The following SHISAL1 variants were observed in gnomAD, a reference collection of about 807,000 sequenced individuals.
The protein encoded by SHISAL1 is shisa like 1, also known as protein shisa-like-1.
A neutral mutation model predicts 22.6 loss-of-function variants in SHISAL1; 9 were observed. The ratio of observed to expected loss-of-function variants is 0.40; its 90% confidence interval spans 0.24 to 0.70. The LOEUF (loss-of-function observed/expected upper bound fraction) is 0.70, where lower values mean the gene tolerates loss of function less well. SHISAL1 is among the 30% of genes least tolerant of loss of function. The pLI is 0.39. For synonymous variants in SHISAL1, 119 were observed against 115.4 expected (o/e 1.03, Z -0.20); for missense variants, 246 against 270.6 (o/e 0.91, Z 0.64).
Position 44,243,810 on chromosome 22 carries a change from T to C in SHISAL1, c.*5875A>G, listed in dbSNP as rs1180096024. 1 of 152,180 alleles carries C rather than the reference T, an allele frequency of 6.6e-6. No individual in the cohort carries two copies. The highest frequency in any genetic ancestry group is 2.4e-5 in the African/African-American group (1 of 41,440). 9.4% of individuals were successfully genotyped at this position (152,180 alleles called of 1,614,324 possible). On this transcript the variant is annotated 3_prime_UTR_variant, in exon 5 of 5. Transcript: ENST00000381176. ...CATTCTAGTATTATTATTAGGAATA[T>C]TATTGGTTTTGGTTTTCCCGGTTAT...
chr22:44,289,671 G>A (rs749015906), intron 3 of SHISAL1, among the ~76,000 whole-genome samples: 6 of 152,206 alleles, frequency 3.9e-5, no homozygotes, highest in East Asian at 1.9e-4. Context: ...GGTGGCAGGC[G>A]GGGACGCCCA....
At chr22:44,325,504 A>G in the SHISAL1 span, among the ~76,000 whole-genome samples, 5 of 152,032 alleles carry the variant, frequency 3.3e-5, no homozygotes, top group Non-Finnish European at 5.9e-5. Flanking sequence ...GCCTTTCTAG[A>G]CTTTGGAATT....
intron 4 of SHISAL1, among the ~76,000 whole-genome samples, chr22:44,253,832 C>CTGTGTGTGTGTGTG (rs61001074): frequency 0.056 from 8,421 of 149,170 alleles, 391 homozygotes; most frequent in Admixed American, 0.16. Flanking sequence ...AATCTAACAA[C>CTGTGTGTGTGTGTG]TGTGTGTGTG....
At position 44,245,263 on chromosome 22, in the gene SHISAL1, A is replaced by C. The variant is rs549519654; in HGVS notation, c.*4422T>G. 5 of 152,336 alleles carry C rather than the reference A, an allele frequency of 3.3e-5. No individual in the cohort carries two copies. The highest frequency in any genetic ancestry group is 7.3e-5 in the Non-Finnish European group (5 of 68,032). The allele number at this position is 152,336 out of a possible 1,614,324, so 9.4% of individuals were successfully genotyped here. A position where few individuals can be genotyped will look rare whatever the true frequency, so the allele number is the denominator to read the frequency against. On this transcript the variant is annotated 3_prime_UTR_variant, in exon 5 of 5. Transcript: ENST00000381176. ...CTACAGTGATAGGGGGCCCTTCAAC[A>C]TTGATAAGACATGTTCCCAATAACT...
intron 1 of SHISAL1, among the ~76,000 whole-genome samples, chr22:44,304,143 C>T (rs1255835035): frequency 2.0e-5 from 3 of 152,202 alleles, no homozygotes; most frequent in Non-Finnish European, 4.4e-5. Context: ...GAGCTCACAG[C>T]CTGGTCAGGG....
intron 4 of SHISAL1, among the ~76,000 whole-genome samples, chr22:44,250,810 A>G (rs1247627317): frequency 2.0e-5 from 3 of 152,214 alleles, no homozygotes; most frequent in Non-Finnish European, 4.4e-5. Flanking sequence ...AATTTCTTTT[A>G]CTTGCGTAAA....
At chr22:44,286,209 G>A (rs916444028) in intron 3 of SHISAL1, among the ~76,000 whole-genome samples, 1 of 152,146 alleles carries the variant, frequency 6.6e-6, no homozygotes, top group Non-Finnish European at 1.5e-5. Flanking sequence ...CTGTGAGGAC[G>A]GAGGTCCTCC....
chr22:44,263,079 C>CTTTCTTTT (rs55901041), intron 4 of SHISAL1, among the ~76,000 whole-genome samples: 2,788 of 88,326 alleles, frequency 0.032, 99 homozygotes, highest in Non-Finnish European at 0.047. Flanking sequence ...TTCTTTCTTT[C>CTTTCTTTT]TTTTTTTTTT....
chr22:44,291,927 C>T (rs1243354980), intron 3 of SHISAL1, among the ~76,000 whole-genome samples: 1 of 152,142 alleles, frequency 6.6e-6, no homozygotes, highest in Non-Finnish European at 1.5e-5. Context: ...GTACACTTCT[C>T]ACCACGTCAG....
intron 4 of SHISAL1, among the ~76,000 whole-genome samples, chr22:44,277,203 A>T (rs2055245825): frequency 6.6e-6 from 1 of 152,180 alleles, no homozygotes; most frequent in African/African-American, 2.4e-5. Context: ...AGGCTCACGG[A>T]CGCGATGCCG....
chr22:44,305,979 C>T (rs891146538), intron 1 of SHISAL1, among the ~76,000 whole-genome samples: 5 of 152,212 alleles, frequency 3.3e-5, no homozygotes, highest in African/African-American at 4.8e-5. Flanking sequence ...AAGAATAACC[C>T]GCCGTGCGTC....
At chr22:44,314,718 C>T (rs2055546460), upstream of SHISAL1, among the ~76,000 whole-genome samples, 1 of 152,022 alleles carries the variant, frequency 6.6e-6, no homozygotes, top group South Asian at 2.1e-4. Flanking sequence ...CCCTCTCGGC[C>T]GAGGGGACCA....
intron 4 of SHISAL1, among the ~76,000 whole-genome samples, chr22:44,261,651 G>A (rs1288847460): frequency 6.6e-6 from 1 of 152,208 alleles, no homozygotes; most frequent in Non-Finnish European, 1.5e-5. Context: ...CAGTAGCCCC[G>A]GGAATGCTTC....
At position 44,275,377 on chromosome 22, in the gene SHISAL1, C is replaced by G. The variant is rs556081576; in HGVS notation, c.599+10051G>C. On this transcript the variant is annotated intron_variant, in intron 4 of 4. Coordinates refer to ENST00000381176, the MANE Select transcript of SHISAL1 (RefSeq NM_001099294.2). ...AATTAAACCCCTGCCTGGCAGCCCG[C>G]GAAGGGGCCGACGGCGGATCAGAAG... Among the ~76,000 whole-genome samples, 36 of 152,328 alleles carry G rather than the reference C, an allele frequency of 2.4e-4. No individual in the cohort carries two copies. The South Asian group carries it at 6.4e-3, about 27-fold the overall frequency.
intron 3 of SHISAL1, among the ~76,000 whole-genome samples, chr22:44,291,575 G>A (rs1222877574): frequency 6.6e-6 from 1 of 152,144 alleles, no homozygotes; most frequent in Non-Finnish European, 1.5e-5. Context: ...AAAGCTTTGG[G>A]GGTCAGAGGT....
chr22:44,317,939 G>C (rs62228560), upstream of SHISAL1, among the ~76,000 whole-genome samples: 52 of 152,288 alleles, frequency 3.4e-4, no homozygotes, highest in African/African-American at 1.2e-3. Context: ...TGCTGAGCAC[G>C]GGGCCCTCTG....
At chr22:44,316,981 A>G (rs1476521589), upstream of SHISAL1, among the ~76,000 whole-genome samples, 1 of 152,246 alleles carries the variant, frequency 6.6e-6, no homozygotes, top group African/African-American at 2.4e-5. Context: ...TGATTAAGCG[A>G]AGTTGCCTTT....
the SHISAL1 span, among the ~76,000 whole-genome samples, chr22:44,324,093 C>T: frequency 6.6e-6 from 1 of 152,156 alleles, no homozygotes; most frequent in Non-Finnish European, 1.5e-5. Context: ...AGGGGTAAAA[C>T]ATAATGGTTA....
chr22:44,276,099 C>T (rs548728896), intron 4 of SHISAL1, among the ~76,000 whole-genome samples: 35 of 152,188 alleles, frequency 2.3e-4, no homozygotes, highest in African/African-American at 4.8e-4. Flanking sequence ...TGTCAGGCGG[C>T]GGTGCACATG....
Sources: gnomAD v4.1 joint callset for allele counts (sites outside exome capture counted in the v4.1 genomes callset) on GRCh38, gnomAD v4.1.1 for gene constraint, MANE v1.5 for transcripts, NCBI Gene and HGNC (gene_info 2026-07-23, HGNC 2026-07-21) for gene names.